The following NOD1 variants were observed in gnomAD, a reference collection of about 807,000 sequenced individuals.
NOD1 encodes nucleotide binding oligomerization domain containing 1.
A neutral mutation model predicts 81.2 loss-of-function variants in NOD1; 70 were observed. The observed-to-expected ratio is 0.86, with a 90% confidence interval of 0.71 to 1.05. The LOEUF (loss-of-function observed/expected upper bound fraction) is 1.05, where lower values mean the gene tolerates loss of function less well. Among genes scored for constraint, NOD1 ranks in the 50% least tolerant of loss-of-function variants. The pLI is 0.00. For synonymous variants in NOD1, 508 were observed against 526.9 expected, an observed-to-expected ratio of 0.96 and a Z score of 0.49; for missense variants, 1,233 against 1,228.0, an observed-to-expected ratio of 1.00 and a Z score of -0.06.
At chr7:30,474,465 C>T (rs1475946112) in intron 1 of NOD1, among the ~76,000 whole-genome samples, 1 of 152,238 alleles carries the variant, frequency 6.6e-6, no homozygotes, top group Non-Finnish European at 1.5e-5. Context: ...AATTTTTCCA[C>T]AGACAGCGGC....
chr7:30,437,692 C>T (rs768353430), intron 9 of NOD1, 36 bp from the exon 10 acceptor site: 12 of 1,434,060 alleles, frequency 8.4e-6, no homozygotes, highest in Non-Finnish European at 1.9e-6. Context: ...TGTTAGCTCC[C>T]CAAGAAACAG....
In NOD1 at chr7:30,453,004, C is replaced by G; in HGVS notation, c.413G>C (p.Gly138Ala). 1 of 1,612,984 alleles carries G rather than the reference C, an allele frequency of 6.2e-7. No homozygotes were observed. The highest frequency in any genetic ancestry group is 8.5e-7 in the Non-Finnish European group (1 of 1,179,458). Residue 138 changes from glycine (G) to alanine (A), a missense_variant, in exon 6 of 14, where the codon GGC (glycine) becomes GCC (alanine). Gly to Ala is a moderately conservative substitution (Grantham distance 60, BLOSUM62 0). Transcript: ENST00000222823. ...GCACAGCACGAACTTGGAGTCACGG[C>G]CCAGATGGTGTCGCAGCTGCTGGGT... Reference protein sequence around the residue: ...RYTQQLRHHLGRDSKFVLCYA... With the variant: ...RYTQQLRHHLARDSKFVLCYA...
chr7:30,437,127 A>G (rs982784299), intron 10 of NOD1, among the ~76,000 whole-genome samples: 1 of 152,168 alleles, frequency 6.6e-6, no homozygotes, highest in Non-Finnish European at 1.5e-5. Flanking sequence ...CACAGGAACA[A>G]AAAACCAAAC....
rs569166891 is a variant in NOD1 at position 30,455,434 on chromosome 7, C to T, written c.202-123G>A. On this transcript the variant is annotated intron_variant, in intron 4 of 13. Transcript: ENST00000222823. ...TAGTACAGCCGGTAGCTATGCCATC[C>T]CCCCAGCTGCTGTGACAGTCAACAT... is the stretch of plus-strand genomic sequence containing the variant. 1.0e-5 allele frequency: 7 copies of T among 674,616 alleles called. No homozygotes were observed. In the East Asian group the frequency reaches 1.9e-4, roughly 18 times the overall value. 41.8% of individuals were successfully genotyped at this position (674,616 alleles called of 1,614,324 possible). A position where few individuals can be genotyped will look rare whatever the true frequency, so the allele number is the denominator to read the frequency against.
At chr7:30,431,594 C>T (rs954883179) in intron 12 of NOD1, among the ~76,000 whole-genome samples, 13 of 152,150 alleles carry the variant, frequency 8.5e-5, no homozygotes, top group African/African-American at 2.7e-4. Context: ...TGGATATCCA[C>T]GTGCAAGAGA....
At chr7:30,470,439 A>G (rs1161015946) in intron 1 of NOD1, among the ~76,000 whole-genome samples, 17 of 152,256 alleles carry the variant, frequency 1.1e-4, no homozygotes, top group Admixed American at 1.0e-3. Flanking sequence ...GAACCGTCGA[A>G]TGAATGAATC....
intron 1 of NOD1, among the ~76,000 whole-genome samples, chr7:30,476,583 T>G (rs1788805089): frequency 1.3e-5 from 2 of 152,206 alleles, no homozygotes; most frequent in Admixed American, 1.3e-4. Context: ...TGTGTGCACA[T>G]ACACTAATTC....
intron 4 of NOD1, 63 bp downstream of exon 4, chr7:30,456,658 G>A (rs959800656): frequency 9.1e-5 from 131 of 1,437,006 alleles, no homozygotes; most frequent in Non-Finnish European, 2.1e-5. Context: ...GATCAGCAGG[G>A]AGAGGCCTCT....
In NOD1 at chr7:30,452,693, A is replaced by G; in HGVS notation, c.724T>C (p.Phe242Leu). 1 of 1,613,954 alleles carries G rather than the reference A, an allele frequency of 6.2e-7. No homozygotes were observed. Among genetic ancestry groups the G allele is most frequent in the Non-Finnish European group, 8.5e-7 (1 of 1,180,046 alleles). Reference sequence around the variant, plus strand: ...AGACACAGCCTGTCACTTTCCTTGAAGCAGCTGAACATGCGGCAGCGAAAG... The same window carrying G: ...AGACACAGCCTGTCACTTTCCTTGAGGCAGCTGAACATGCGGCAGCGAAAG... ...FHFRCRMFSC[F>L]KESDRLCLQD... The change falls in exon 6 of 14, where the codon TTC (phenylalanine) becomes CTC (leucine). Residue 242 changes from phenylalanine to leucine, a missense_variant. By Grantham distance (22) the Phe-to-Leu change is conservative. Coordinates refer to ENST00000222823, the MANE Select transcript of NOD1 (RefSeq NM_006092.4).
intron 1 of NOD1, chr7:30,463,497 G>C (rs775349931): frequency 6.6e-6 from 1 of 152,558 alleles, no homozygotes; most frequent in African/African-American, 2.4e-5. Flanking sequence ...AGGTCACCAG[G>C]ACCCCTCAGG....
In NOD1 at chr7:30,456,745, A is replaced by G. The variant is rs1157820719; in HGVS notation, c.177T>C (p.Cys59=). The change falls in exon 4 of 14, where the codon TGT becomes TGC. Residue 59 remains cysteine (C), a synonymous_variant. Coordinates refer to ENST00000222823, the MANE Select transcript of NOD1 (RefSeq NM_006092.4). ...YFSAEDAEIV[C]ACPTQPDKVR... Reference sequence around the variant, plus strand: ...CCTTGTCAGGCTGGGTGGGGCAGGCACACACAATCTCCGCATCTTCGGCCG... The same window carrying G: ...CCTTGTCAGGCTGGGTGGGGCAGGCGCACACAATCTCCGCATCTTCGGCCG... 3 of 1,614,066 alleles carry G rather than the reference A, an allele frequency of 1.9e-6. No homozygotes were observed. In the South Asian group the frequency reaches 3.3e-5, roughly 18 times the overall value.
chr7:30,462,624 T>C (rs905636436), intron 1 of NOD1, among the ~76,000 whole-genome samples: 2 of 152,122 alleles, frequency 1.3e-5, no homozygotes, highest in African/African-American at 4.8e-5. Context: ...GTGTCACAGA[T>C]ACTACACTGA....
intron 1 of NOD1, chr7:30,468,868 T>C (rs1787974311): frequency 2.0e-6 from 2 of 985,304 alleles, no homozygotes; most frequent in African/African-American, 1.7e-5. Context: ...TATACTCTAG[T>C]TGTTGACATG....
rs187843300 is a variant in NOD1 at position 30,472,389 on chromosome 7, T to G, written c.-352+6217A>C. 2.0e-5 allele frequency among the ~76,000 whole-genome samples: 3 copies of G among 152,380 alleles called. No individual in the cohort carries two copies. In the East Asian group the frequency reaches 5.8e-4, roughly 29 times the overall value. ...TCTTTTTTTCATCCCAAGTCCTAGT[T>G]GAAAAGGCTCATTCCTTGAGAGGCG... On this transcript the variant is annotated intron_variant, in intron 1 of 13. Coordinates refer to ENST00000222823, the MANE Select transcript of NOD1 (RefSeq NM_006092.4).
Position 30,429,411 on chromosome 7 carries a change from C to T in NOD1, c.2752G>A (p.Asp918Asn). The change falls in exon 13 of 14, where the codon GAT (aspartate) becomes AAT (asparagine). Residue 918 changes from aspartate to asparagine, a missense_variant. Transcript: ENST00000222823. ...ATGCCAGTGTTGCTCTGTAACGCAT[C>T]TGCCAGCTGGGCAGTCCCCTTAGCT... is the stretch of plus-strand genomic sequence containing the variant. ...ITAKGTAQLA[D>N]ALQSNTGITE... 1 of 1,614,234 alleles carries T rather than the reference C, an allele frequency of 6.2e-7. No homozygotes were observed.
At chr7:30,453,285 G>A (rs1785991213) in intron 5 of NOD1, among the ~76,000 whole-genome samples, 1 of 152,114 alleles carries the variant, frequency 6.6e-6, no homozygotes, top group South Asian at 2.1e-4. Flanking sequence ...GAAAGAAGGT[G>A]ACAAACTTCA....
Position 30,478,656 on chromosome 7 carries a change from C to A in NOD1, c.-402G>T, listed in dbSNP as rs1213141196. ...CAGCCGCTGAGAGCTAGAGAAGAGC[C>A]CGGAGAGCGCCATGGTCCGGGGACG... On this transcript the variant is annotated 5_prime_UTR_variant, in exon 1 of 14. Coordinates refer to ENST00000222823, the MANE Select transcript of NOD1 (RefSeq NM_006092.4). The surrounding 1 kb of genome is among the most constrained non-coding windows in gnomAD (Gnocchi z 4.1). The A allele has an allele frequency of 1.3e-5, 2 of 152,452 alleles. No homozygotes were observed. The highest frequency in any genetic ancestry group is 1.5e-5 in the Non-Finnish European group (1 of 68,228). 9.4% of individuals were successfully genotyped at this position (152,452 alleles called of 1,614,324 possible).
intron 11 of NOD1, among the ~76,000 whole-genome samples, chr7:30,434,848 A>G (rs1784248906): frequency 6.6e-6 from 1 of 152,244 alleles, no homozygotes; most frequent in African/African-American, 2.4e-5. Flanking sequence ...TATTCTCAGT[A>G]ACTAATTTAG....
intron 7 of NOD1, chr7:30,447,596 C>T (rs1463265027): frequency 1.2e-5 from 2 of 163,794 alleles, no homozygotes; most frequent in African/African-American, 2.4e-5. Flanking sequence ...GAGTGTGGCC[C>T]GGGGTCGTTT....
Sources: gnomAD v4.1 joint callset for allele counts (sites outside exome capture counted in the v4.1 genomes callset) on GRCh38, gnomAD v4.1.1 for gene constraint, Gnocchi (gnomAD v3.1) non-coding constraint, MANE v1.5 for transcripts, NCBI Gene and HGNC (gene_info 2026-07-23, HGNC 2026-07-21) for gene names.